The following STOX2 variants were observed in gnomAD, a reference collection of about 807,000 sequenced individuals.
STOX2 encodes storkhead-box protein 2.
STOX2 carries 28 observed loss-of-function variants against 60.9 expected under a neutral mutation model. The observed-to-expected ratio is 0.46, with a 90% CI of 0.34 to 0.63. STOX2 has a LOEUF of 0.63. STOX2 is among the 30% of genes least tolerant of loss of function. STOX2 has a pLI of 0.01. For synonymous variants in STOX2, 472 were observed against 463.9 expected, an observed-to-expected ratio of 1.02 and a Z score of -0.22; for missense variants, 1,024 against 1,187.7, an observed-to-expected ratio of 0.86 and a Z score of 2.03.
intron 1 of STOX2, among the ~76,000 whole-genome samples, chr4:183,940,903 A>G (rs1742735214): frequency 6.6e-6 from 1 of 152,188 alleles, no homozygotes; most frequent in South Asian, 2.1e-4. Flanking sequence ...ATATTTGTTG[A>G]TGAATACCGT....
chr4:183,833,701 G>GTGTTGTCACAAAATCCAGGCAT (rs1579315513), intron 1 of STOX2, among the ~76,000 whole-genome samples: 1 of 151,752 alleles, frequency 6.6e-6, no homozygotes, highest in Admixed American at 6.6e-5. Flanking sequence ...ATGTGAGAAG[G>GTGTTGTCACAAAATCCAGGCAT]GCCGGGCGCG....
At chr4:183,860,105 G>A (rs1239780743) in intron 1 of STOX2, among the ~76,000 whole-genome samples, 3 of 150,414 alleles carry the variant, frequency 2.0e-5, no homozygotes, top group African/African-American at 7.3e-5. Flanking sequence ...TTTTACCGAT[G>A]TCTACCTATT....
Position 183,824,868 on chromosome 4 carries a change from G to T in STOX2, c.364+26813G>T, listed in dbSNP as rs112426330. Among the ~76,000 whole-genome samples the T allele has an allele frequency of 6.6e-5, 10 of 152,202 alleles. 1 individual carries two copies. The East Asian group carries it at 1.5e-3, about 23-fold the overall frequency. ...ACTGTGGCGGGTGGTTAAGTGCCCA[G>T]ATGGGGGCTTCCAGGCAAGTGCTGT... On this transcript the variant is annotated intron_variant, in intron 1 of 2. Transcript: ENST00000513034.
At position 183,954,342 on chromosome 4, in the gene STOX2, G is replaced by A. The variant is rs140134887; in HGVS notation, c.167-46983G>A. On this transcript the variant is annotated intron_variant, in intron 1 of 3. Transcript: ENST00000308497. The stretch of plus-strand genomic sequence containing the variant: ...CTCACTCTGTCACCCAGGCTGGAGT[G>A]CAGTGGCATGATCTTGGCTCGCTGC... 3.6e-3 allele frequency among the ~76,000 whole-genome samples: 546 copies of A among 152,128 alleles called. 6 individuals carry two copies. Among genetic ancestry groups the A allele is most frequent in the African/African-American group, 0.012 (517 of 41,474 alleles).
At chr4:183,814,336 G>A (rs1324338373) in intron 1 of STOX2, among the ~76,000 whole-genome samples, 2 of 152,138 alleles carry the variant, frequency 1.3e-5, no homozygotes, top group Admixed American at 1.3e-4. Context: ...AGGGAAGATG[G>A]GAAAGAATAA....
rs1407559354 is a variant in STOX2 at position 184,009,287 on chromosome 4, T to C, written c.449T>C (p.Leu150Pro). The change falls in exon 3 of 4, where the codon CTC becomes CCC. Residue 150 changes from leucine (L) to proline (P), a missense_variant. Coordinates refer to ENST00000308497, the MANE Select transcript of STOX2 (RefSeq NM_020225.3). This position sits in a 1 kb window ranked among gnomAD's most constrained non-coding sequence, Gnocchi z 4.0. Reference protein sequence around the residue: ...TPQTYFITPSLIRTNSKWYHL... With the variant: ...TPQTYFITPSPIRTNSKWYHL... ...CAGACTTATTTCATAACTCCTTCCC[T>C]CATAAGAACTAACAGTAAATGGTAC... 1 of 1,613,944 alleles carries C rather than the reference T, an allele frequency of 6.2e-7. No individual in the cohort carries two copies. The highest frequency in any genetic ancestry group is 1.6e-4 in the Middle Eastern group (1 of 6,062).
upstream of STOX2, among the ~76,000 whole-genome samples, chr4:183,903,470 A>AG (rs1407915561): frequency 6.6e-6 from 1 of 152,148 alleles, no homozygotes; most frequent in Non-Finnish European, 1.5e-5. Flanking sequence ...CAATTTCTGC[A>AG]TTTATTTGCC....
At chr4:183,951,728 A>G (rs1413277320) in intron 1 of STOX2, among the ~76,000 whole-genome samples, 1 of 152,118 alleles carries the variant, frequency 6.6e-6, no homozygotes, top group Non-Finnish European at 1.5e-5. Flanking sequence ...TCACAAGGTC[A>G]GGAGTTCGAG....
chr4:183,910,707 A>C (rs116436090), intron 1 of STOX2, among the ~76,000 whole-genome samples: 15 of 152,308 alleles, frequency 9.8e-5, no homozygotes, highest in Non-Finnish European at 2.2e-4. Context: ...TATCATTTTG[A>C]TAACATCTTT....
At chr4:183,893,043 C>T (rs1292044507) in intron 1 of STOX2, among the ~76,000 whole-genome samples, 3 of 151,982 alleles carry the variant, frequency 2.0e-5, no homozygotes, top group African/African-American at 7.3e-5. Context: ...ATCAGATATC[C>T]TTCGGAAACC....
intron 1 of STOX2, among the ~76,000 whole-genome samples, chr4:183,976,546 A>G (rs1473378202): frequency 6.6e-6 from 1 of 150,742 alleles, no homozygotes; most frequent in Non-Finnish European, 1.5e-5. Flanking sequence ...GACACTGCAG[A>G]CTACTAGAGG....
At chr4:183,843,488 A>G (rs1739917058) in intron 1 of STOX2, among the ~76,000 whole-genome samples, 1 of 152,224 alleles carries the variant, frequency 6.6e-6, no homozygotes, top group African/African-American at 2.4e-5. Context: ...GGAGTTGGCA[A>G]ACTTTTTCCA....
intron 1 of STOX2, among the ~76,000 whole-genome samples, chr4:183,914,235 G>A (rs542985300): frequency 6.6e-6 from 1 of 152,074 alleles, no homozygotes; most frequent in Admixed American, 6.5e-5. Context: ...TTAAGAGGTG[G>A]AAGAAAATAA....
At chr4:183,866,251 AC>A (rs1356460214) in intron 1 of STOX2, among the ~76,000 whole-genome samples, 3 of 152,038 alleles carry the variant, frequency 2.0e-5, no homozygotes, top group African/African-American at 7.2e-5. Context: ...AGATAAGCCC[AC>A]CCCGAGCCTG....
intron 1 of STOX2, among the ~76,000 whole-genome samples, chr4:183,992,448 C>T (rs1277918706): frequency 6.6e-6 from 1 of 152,204 alleles, no homozygotes; most frequent in African/African-American, 2.4e-5. Context: ...TCAGTGGAAA[C>T]TGGAGCATCT....
chr4:183,926,202 A>G (rs922609477), intron 1 of STOX2, among the ~76,000 whole-genome samples: 2 of 152,382 alleles, frequency 1.3e-5, no homozygotes, highest in South Asian at 4.1e-4. Context: ...TAAAACAGTC[A>G]AGATACATTA....
intron 1 of STOX2, among the ~76,000 whole-genome samples, chr4:183,858,584 G>A (rs944742795): frequency 2.6e-5 from 4 of 151,984 alleles, no homozygotes; most frequent in Non-Finnish European, 5.9e-5. Flanking sequence ...TTAGAAAATA[G>A]AGAAAAAGAG....
At chr4:183,823,044 G>A (rs1470158938) in intron 1 of STOX2, among the ~76,000 whole-genome samples, 5 of 152,178 alleles carry the variant, frequency 3.3e-5, no homozygotes, top group Admixed American at 1.3e-4. Context: ...TATGATCTAC[G>A]TTTTTCTTTC....
chr4:183,802,183 T>C (rs994876583), intron 1 of STOX2, among the ~76,000 whole-genome samples: 4 of 152,242 alleles, frequency 2.6e-5, no homozygotes, highest in Non-Finnish European at 5.9e-5. Context: ...TCCCATTTGA[T>C]CCTCACATGT....
Sources: gnomAD v4.1 joint callset for allele counts (sites outside exome capture counted in the v4.1 genomes callset) on GRCh38, gnomAD v4.1.1 for gene constraint, Gnocchi (gnomAD v3.1) non-coding constraint, MANE v1.5 for transcripts, NCBI Gene and HGNC (gene_info 2026-07-23, HGNC 2026-07-21) for gene names.